ZNF793: variants seen among roughly 807,000 people sequenced by gnomAD.
The protein encoded by ZNF793 is zinc finger protein 793.
A neutral mutation model predicts 12.4 loss-of-function variants in ZNF793; 5 were observed. The ratio of observed to expected loss-of-function variants is 0.40; its 90% CI spans 0.21 to 0.84. The LOEUF (loss-of-function observed/expected upper bound fraction) is 0.84. Ranked by LOEUF, ZNF793 falls within the 40% of genes least tolerant of loss-of-function variation. ZNF793 has a pLI of 0.35. For missense variants in ZNF793, 456 were observed against 495.0 expected (o/e 0.92, Z 0.75); for synonymous variants, 162 against 172.4 (o/e 0.94, Z 0.47).
chr19:37,517,488 A>G (rs560194097), intron 2 of ZNF793, among the ~76,000 whole-genome samples: 2 of 152,056 alleles, frequency 1.3e-5, no homozygotes, highest in East Asian at 1.9e-4. Context: ...GTGCACAGCA[A>G]ATGTTACATT....
chr19:37,521,520 C>T lies in ZNF793; in HGVS notation c.-146-1012C>T, dbSNP rs540967308. ...GCGCGATCTCTGCTCACTGCAGCCT[C>T]CACCTCCCAGGTTCAAGGGATCAAG... is the stretch of plus-strand genomic sequence containing the variant. On this transcript the variant is annotated intron_variant, in intron 3 of 7. Coordinates refer to ENST00000627814, the MANE Select transcript of ZNF793 (RefSeq NM_001013659.3). Among the ~76,000 whole-genome samples the T allele has an allele frequency of 9.3e-5, 14 of 150,034 alleles. No individual in the cohort carries two copies. In the South Asian group the frequency reaches 2.8e-3, roughly 30 times the overall value.
At chr19:37,533,752 AT>A (rs2042481380) in intron 7 of ZNF793, 1 of 453,404 alleles carries the variant, frequency 2.2e-6, no homozygotes, top group Non-Finnish European at 3.9e-6. Flanking sequence ...GCTTTCCCTA[AT>A]TTCTGCACTC....
At chr19:37,527,425 G>T (rs1380508866) in intron 5 of ZNF793, among the ~76,000 whole-genome samples, 2 of 152,122 alleles carry the variant, frequency 1.3e-5, no homozygotes, top group East Asian at 3.8e-4. Context: ...AATAAAATAG[G>T]CAAATTTATA....
At chr19:37,525,836 C>T (rs182795021) in intron 5 of ZNF793, among the ~76,000 whole-genome samples, 1 of 152,276 alleles carries the variant, frequency 6.6e-6, no homozygotes, top group East Asian at 1.9e-4. Flanking sequence ...ATGTACTGCC[C>T]AGCATTTAAA....
At chr19:37,531,177 T>C (rs960362831) in intron 5 of ZNF793, among the ~76,000 whole-genome samples, 1 of 151,648 alleles carries the variant, frequency 6.6e-6, no homozygotes, top group Admixed American at 6.6e-5. Context: ...GTTTGTTTTT[T>C]TTTGTTTGAG....
chr19:37,526,435 C>T (rs1421557492), intron 5 of ZNF793, among the ~76,000 whole-genome samples: 1 of 152,158 alleles, frequency 6.6e-6, no homozygotes, highest in East Asian at 1.9e-4. Flanking sequence ...ATTGCTGCCT[C>T]TTCATTCCTG....
At chr19:37,528,409 G>A (rs1274559152) in intron 5 of ZNF793, among the ~76,000 whole-genome samples, 1 of 151,820 alleles carries the variant, frequency 6.6e-6, no homozygotes. Context: ...CCAAGAGGTT[G>A]AGCTGATGCC....
In ZNF793 at chr19:37,539,791, C is replaced by G. The variant is rs558580274; in HGVS notation, c.*1912C>G. The G allele has an allele frequency of 1.2e-4, 18 of 152,140 alleles. No individual in the cohort carries two copies. Among genetic ancestry groups the G allele is most frequent in the Non-Finnish European group, 2.4e-4 (16 of 67,980 alleles). 9.4% of individuals were successfully genotyped at this position (152,140 alleles called of 1,614,324 possible). ...TGGTAGGATAGTTAACATTGAAAAA[C>G]TCAAAAAAGCTATTAAAGATCTATA... is the stretch of plus-strand genomic sequence containing the variant. On this transcript the variant is annotated 3_prime_UTR_variant, in exon 8 of 8. Transcript: ENST00000627814.
chr19:37,538,167 G>T lies in ZNF793; in HGVS notation c.*288G>T, dbSNP rs959485880. 1.0e-5 allele frequency: 3 copies of T among 285,734 alleles called. No homozygotes were observed. The highest frequency in any genetic ancestry group is 2.0e-5 in the Non-Finnish European group (3 of 152,702). 17.7% of individuals were successfully genotyped at this position (285,734 alleles called of 1,614,324 possible). ...CCTGACCTTGTGATCTGCCCGCCTT[G>T]TCCTCCCAAAGTGCTGGGATTACAG... On this transcript the variant is annotated 3_prime_UTR_variant, in exon 8 of 8. Transcript: ENST00000627814.
chr19:37,527,992 G>A (rs2042429704), intron 5 of ZNF793, among the ~76,000 whole-genome samples: 1 of 151,866 alleles, frequency 6.6e-6, no homozygotes, highest in South Asian at 2.1e-4. Context: ...AGCTGGGCGT[G>A]GTGGTGTGTG....
intron 5 of ZNF793, among the ~76,000 whole-genome samples, chr19:37,527,446 A>C (rs191551631): frequency 6.6e-6 from 1 of 152,240 alleles, no homozygotes; most frequent in Non-Finnish European, 1.5e-5. Context: ...TAATGGTATT[A>C]TGTGCCAGGC....
rs372744419 is a variant in ZNF793, at chr19:37,538,122, A to G, written c.*243A>G. The G allele has an allele frequency of 1.4e-3, 524 of 384,008 alleles. 7 individuals carry two copies. Among genetic ancestry groups the G allele is most frequent in the African/African-American group, 1.7e-3 (84 of 48,410 alleles). The allele number at this position is 384,008 out of a possible 1,614,324, so 23.8% of individuals were successfully genotyped here. A position where few individuals can be genotyped will look rare whatever the true frequency, so the allele number is the denominator to read the frequency against. On this transcript the variant is annotated 3_prime_UTR_variant, in exon 8 of 8. Coordinates refer to ENST00000627814, the MANE Select transcript of ZNF793 (RefSeq NM_001013659.3). ...AGTAGAGACGGGGTTTCACCGTGTT[A>G]GCCAGGATGGTCTCGATCTCCTGAC...
chr19:37,532,260 T>A, intron 5 of ZNF793, 96 bp from the exon 6 acceptor site: 1 of 1,437,986 alleles, frequency 7.0e-7, no homozygotes, highest in Admixed American at 2.0e-5. Flanking sequence ...CACCTTGGCC[T>A]CCCAAAGTGC....
chr19:37,532,226 C>CTG, intron 5 of ZNF793, 130 bp from the exon 6 acceptor site: 1 of 996,802 alleles, frequency 1.0e-6, no homozygotes, highest in South Asian at 1.5e-5. Flanking sequence ...GTTTGCCAGG[C>CTG]TGATCTTGAA....
chr19:37,533,638 C>A, intron 7 of ZNF793: 1 of 515,590 alleles, frequency 1.9e-6, no homozygotes, highest in Non-Finnish European at 3.4e-6. Flanking sequence ...AGAATCTTTC[C>A]CATGCAGGTA....
At chr19:37,513,366 C>T (rs150266034) in intron 2 of ZNF793, among the ~76,000 whole-genome samples, 1 of 152,272 alleles carries the variant, frequency 6.6e-6, no homozygotes, top group African/African-American at 2.4e-5. Flanking sequence ...ATTGTAGAAG[C>T]TTTCCCTTTT....
chr19:37,536,540 T>TA lies in ZNF793; in HGVS notation c.239-356dup, dbSNP rs2042506149. 7 of 409,700 alleles carry TA rather than the reference T, an allele frequency of 1.7e-5. No individual in the cohort carries two copies. In the Admixed American group the frequency reaches 2.0e-4, roughly 12 times the overall value. The allele number at this position is 409,700 out of a possible 1,614,324, so 25.4% of individuals were successfully genotyped here. Reference sequence around the variant, plus strand: ...TTTTATTAGAACACAACCACATTCTTACGTTTACATGTTGTCTATATTTTC... The same window carrying TA: ...TTTTATTAGAACACAACCACATTCTTAACGTTTACATGTTGTCTATATTTTC... On this transcript the variant is annotated intron_variant, in intron 7 of 7. Coordinates refer to ENST00000627814, the MANE Select transcript of ZNF793 (RefSeq NM_001013659.3).
Position 37,541,047 on chromosome 19 carries a change from T to A in ZNF793, c.*3168T>A, listed in dbSNP as rs888461301. On this transcript the variant is annotated 3_prime_UTR_variant, in exon 8 of 8. Transcript: ENST00000627814. The stretch of plus-strand genomic sequence containing the variant: ...CCATTCTAATGAAATTAATATTGTA[T>A]TGGCAAAGGAACAGGTAAATACATC... The A allele has an allele frequency of 1.3e-5, 2 of 152,016 alleles. No homozygotes were observed. The highest frequency in any genetic ancestry group is 2.1e-4 in the South Asian group (1 of 4,822). The allele number at this position is 152,016 out of a possible 1,614,324, so 9.4% of individuals were successfully genotyped here. A position where few individuals can be genotyped will look rare whatever the true frequency, so the allele number is the denominator to read the frequency against.
intron 7 of ZNF793, chr19:37,536,098 A>G (rs1366570666): frequency 4.9e-6 from 1 of 203,274 alleles, no homozygotes; most frequent in East Asian, 1.1e-4. Flanking sequence ...TTTCTTTTCT[A>G]TCAAAGTTCA....
Sources: gnomAD v4.1 joint callset for allele counts (sites outside exome capture counted in the v4.1 genomes callset) on GRCh38, gnomAD v4.1.1 for gene constraint, MANE v1.5 for transcripts, NCBI Gene and HGNC (gene_info 2026-07-23, HGNC 2026-07-21) for gene names.